NEK11: variants seen among roughly 807,000 people sequenced by gnomAD.
NEK11 encodes serine/threonine-protein kinase Nek11.
A neutral mutation model predicts 80.7 loss-of-function variants in NEK11; 72 were observed. That is an observed-to-expected ratio of 0.89 (90% CI 0.74 to 1.08). The LOEUF (loss-of-function observed/expected upper bound fraction) is 1.08. Among genes scored for constraint, NEK11 ranks in the 50% least tolerant of loss-of-function variants. The pLI is 0.00. For synonymous variants in NEK11, 251 were observed against 260.7 expected (o/e 0.96, Z 0.36); for missense variants, 764 against 763.6 (o/e 1.00, Z -0.01).
At chr3:131,299,744 T>C (rs1382832731) in intron 17 of NEK11, among the ~76,000 whole-genome samples, 4 of 152,214 alleles carry the variant, frequency 2.6e-5, no homozygotes, top group African/African-American at 4.8e-5. Context: ...CCATGGTGTA[T>C]ATGTACTACA....
intron 3 of NEK11, among the ~76,000 whole-genome samples, chr3:131,064,675 C>T (rs1181646948): frequency 1.3e-5 from 2 of 152,050 alleles, no homozygotes; most frequent in African/African-American, 4.8e-5. Flanking sequence ...ATACTAAAAG[C>T]TACTGAATTG....
chr3:131,340,085 A>G (rs1242283622), intron 17 of NEK11, among the ~76,000 whole-genome samples: 1 of 152,226 alleles, frequency 6.6e-6, no homozygotes, highest in African/African-American at 2.4e-5. Flanking sequence ...TTATTGGACA[A>G]TTGGGGGAAA....
intron 14 of NEK11, among the ~76,000 whole-genome samples, chr3:131,193,587 A>T (rs2093885521): frequency 6.6e-6 from 1 of 152,204 alleles, no homozygotes; most frequent in South Asian, 2.1e-4. Flanking sequence ...TAAAAGCCCT[A>T]CTTTATTTGA....
chr3:131,235,292 A>G (rs779844395), intron 15 of NEK11, among the ~76,000 whole-genome samples: 23 of 152,116 alleles, frequency 1.5e-4, no homozygotes, highest in South Asian at 8.3e-4. Flanking sequence ...TTCTCCCTCC[A>G]CTACCCTACA....
In NEK11 at chr3:131,170,789, C is replaced by T. The variant is rs754295454; in HGVS notation, c.1301C>T (p.Thr434Ile). The T allele has an allele frequency of 6.2e-7, 1 of 1,613,652 alleles. No homozygotes were observed. The highest frequency in any genetic ancestry group is 8.5e-7 in the Non-Finnish European group (1 of 1,179,542). Reference sequence around the variant, plus strand: ...TTCCACAAGGAATCTGATGAACCAACTTTAGAGAACCTGCCTGAGTCTCAG... The same window carrying T: ...TTCCACAAGGAATCTGATGAACCAATTTTAGAGAACCTGCCTGAGTCTCAG... The part of the protein sequence containing the change: ...QGREEESDEP[T>I]LENLPESQPI... Residue 434 changes from threonine (T) to isoleucine (I), a missense_variant, in exon 14 of 18, where the codon ACT becomes ATT. Thr to Ile is a moderately conservative substitution (Grantham distance 89). Transcript: ENST00000383366.
chr3:131,334,337 G>A (rs571944272), intron 17 of NEK11, among the ~76,000 whole-genome samples: 92 of 152,112 alleles, frequency 6.0e-4, no homozygotes, highest in African/African-American at 2.0e-3. Flanking sequence ...TCAACTACAT[G>A]GAAACTGAAC....
At chr3:131,045,695 A>G in intron 3 of NEK11, among the ~76,000 whole-genome samples, 1 of 152,164 alleles carries the variant, frequency 6.6e-6, no homozygotes, top group East Asian at 1.9e-4. Context: ...TATTGCTGTC[A>G]GTGGAGTGTT....
intron 5 of NEK11, among the ~76,000 whole-genome samples, chr3:131,121,958 C>T (rs2082458511): frequency 6.6e-6 from 1 of 152,234 alleles, no homozygotes; most frequent in Non-Finnish European, 1.5e-5. Context: ...CCCCGCCCTG[C>T]TTCAGCTCAC....
chr3:131,115,446 G>C (rs2080856868), intron 5 of NEK11, among the ~76,000 whole-genome samples: 8 of 152,128 alleles, frequency 5.3e-5, no homozygotes, highest in Admixed American at 5.2e-4. Flanking sequence ...GAAGACCCTG[G>C]AAACACTAAG....
intron 5 of NEK11, among the ~76,000 whole-genome samples, chr3:131,129,393 C>T (rs1048671985): frequency 2.0e-5 from 3 of 152,134 alleles, no homozygotes; most frequent in South Asian, 2.1e-4. Context: ...TATTTTCTCC[C>T]AGTCTGTGGC....
At chr3:131,072,650 ACCCAAGGCATC>A (rs1654491448) in intron 3 of NEK11, among the ~76,000 whole-genome samples, 1 of 152,206 alleles carries the variant, frequency 6.6e-6, no homozygotes, top group Non-Finnish European at 1.5e-5. Flanking sequence ...GTTAGAATTG[ACCCAAGGCATC>A]CTTGGTTGTA....
intron 3 of NEK11, among the ~76,000 whole-genome samples, chr3:131,057,931 G>T (rs2069929245): frequency 6.6e-6 from 1 of 152,166 alleles, no homozygotes; most frequent in African/African-American, 2.4e-5. Flanking sequence ...TGTTGCCATT[G>T]GTTTTGGTGT....
chr3:131,154,836 G>T (rs1321940009), intron 9 of NEK11, 200 bp from the exon 10 acceptor site: 1 of 531,572 alleles, frequency 1.9e-6, no homozygotes, highest in Admixed American at 3.1e-5. Context: ...GGAGAGACAG[G>T]CAGGAGCCTG....
At position 131,080,519 on chromosome 3, in the gene NEK11, A is replaced by G; in HGVS notation, c.267A>G (p.Pro89=). The G allele has an allele frequency of 6.2e-7, 1 of 1,614,134 alleles. No homozygotes were observed. Among genetic ancestry groups the G allele is most frequent in the Non-Finnish European group, 8.5e-7 (1 of 1,179,992 alleles). Residue 89 remains proline, a synonymous_variant, in exon 4 of 18, where the codon CCA becomes CCG. Transcript: ENST00000383366. The part of the protein sequence containing the change: ...EAQLLSKLDH[P]AIVKFHASFV... ...AACTCCTCTCCAAGCTGGACCACCC[A>G]GCCATTGTCAAGTTCCATGCAAGTT...
intron 3 of NEK11, among the ~76,000 whole-genome samples, chr3:131,044,143 C>G (rs1245863751): frequency 6.6e-6 from 1 of 152,082 alleles, no homozygotes; most frequent in Non-Finnish European, 1.5e-5. Context: ...ACTGCAAAAA[C>G]AAACCAAAAT....
chr3:131,172,303 G>C (rs2092742030), intron 14 of NEK11, among the ~76,000 whole-genome samples: 1 of 152,220 alleles, frequency 6.6e-6, no homozygotes, highest in Non-Finnish European at 1.5e-5. Flanking sequence ...GCACAATGAT[G>C]TAACAGCTCT....
At chr3:131,304,568 T>A (rs116021536) in intron 17 of NEK11, among the ~76,000 whole-genome samples, 8,302 of 149,684 alleles carry the variant, frequency 0.055, 739 homozygotes, top group African/African-American at 0.2. Flanking sequence ...TGTGGATGGG[T>A]TTTTTGCTTT....
chr3:131,113,495 T>C (rs960577163), intron 5 of NEK11, among the ~76,000 whole-genome samples: 2 of 152,266 alleles, frequency 1.3e-5, no homozygotes, highest in Admixed American at 6.5e-5. Context: ...AGAAAAGCTG[T>C]GCAGAATGCA....
chr3:131,138,628 T>C (rs571790083), intron 7 of NEK11, among the ~76,000 whole-genome samples: 2 of 152,228 alleles, frequency 1.3e-5, no homozygotes, highest in East Asian at 3.9e-4. Flanking sequence ...GTCCCAGTAG[T>C]GGTGACCAAA....
Sources: gnomAD v4.1 joint callset for allele counts (sites outside exome capture counted in the v4.1 genomes callset) on GRCh38, gnomAD v4.1.1 for gene constraint, MANE v1.5 for transcripts, NCBI Gene and HGNC (gene_info 2026-07-23, HGNC 2026-07-21) for gene names.